Variants in ACTL6A observed in about 807,000 individuals in gnomAD.
The protein encoded by ACTL6A is actin like 6A.
ACTL6A carries 5 observed loss-of-function variants against 59.2 expected under a neutral mutation model. The observed-to-expected ratio is 0.08, with a 90% CI of 0.04 to 0.18. The LOEUF (loss-of-function observed/expected upper bound fraction) is 0.18. Among genes scored for constraint, ACTL6A ranks in the 10% least tolerant of loss-of-function variants. The pLI is 1.00. For synonymous variants in ACTL6A, 154 were observed against 171.8 expected (o/e 0.90, Z 0.81); for missense variants, 285 against 526.9 (o/e 0.54, Z 4.49).
Position 179,570,496 on chromosome 3 carries a change from A to G in ACTL6A, c.277+255A>G, listed in dbSNP as rs1310523430. The G allele has an allele frequency of 1.2e-5, 4 of 324,484 alleles. No individual in the cohort carries two copies. Among genetic ancestry groups the G allele is most frequent in the Non-Finnish European group, 1.7e-5 (3 of 176,368 alleles). 20.1% of individuals were successfully genotyped at this position (324,484 alleles called of 1,614,324 possible). On this transcript the variant is annotated intron_variant, in intron 3 of 13. Transcript: ENST00000429709. The surrounding 1 kb of genome is among the most constrained non-coding windows in gnomAD (Gnocchi z 4.3). ...TGGTACACTGTGGGATAAGTGGTAC[A>G]ATATAGGTATGTGCAATGAGCAATG...
intron 8 of ACTL6A, among the ~76,000 whole-genome samples, chr3:179,579,455 T>TACACACACACACACAC (rs10650822): frequency 0.011 from 1,607 of 145,100 alleles, 33 homozygotes; most frequent in East Asian, 0.037. Context: ...TTATATCATA[T>TACACACACACACACAC]ACACACACAC....
At chr3:179,568,174 CAA>C (rs770514808) in intron 1 of ACTL6A, among the ~76,000 whole-genome samples, 14 of 56,390 alleles carry the variant, frequency 2.5e-4, no homozygotes, top group Admixed American at 6.0e-4. Flanking sequence ...GACTCCGTGT[CAA>C]AAAAAAAAAA....
intron 8 of ACTL6A, 101 bp downstream of exon 8, chr3:179,577,014 C>A: frequency 1.3e-6 from 1 of 759,680 alleles, no homozygotes; most frequent in South Asian, 2.4e-5. Context: ...AAAATATGGG[C>A]ACTTTATATT....
intron 5 of ACTL6A, 40 bp downstream of exon 5, chr3:179,574,507 T>A (rs1055304187): frequency 1.5e-6 from 2 of 1,308,074 alleles, no homozygotes; most frequent in African/African-American, 1.4e-5. Flanking sequence ...TTGAAGTATG[T>A]ACGATACTAA....
In ACTL6A at chr3:179,586,477, A is replaced by T. The variant is rs533328482; in HGVS notation, c.1123-69A>T. ...ACCCTGTCTCTATTTGAAAAAAAAA[A>T]AAAAAAAAAGAATTTTCTAAGTTGA... On this transcript the variant is annotated intron_variant, in intron 12 of 13. Transcript: ENST00000429709. 9 of 1,197,814 alleles carry T rather than the reference A, an allele frequency of 7.5e-6. No individual in the cohort carries two copies. The Admixed American group carries it at 2.6e-4, about 35-fold the overall frequency. The allele number at this position is 1,197,814 out of a possible 1,614,324, so 74.2% of individuals were successfully genotyped here. A position where few individuals can be genotyped will look rare whatever the true frequency, so the allele number is the denominator to read the frequency against.
chr3:179,583,076 G>T (rs1375461964), intron 11 of ACTL6A, among the ~76,000 whole-genome samples: 1 of 152,136 alleles, frequency 6.6e-6, no homozygotes, highest in East Asian at 1.9e-4. Flanking sequence ...AATATAACGA[G>T]ACCCCGTCTC....
intron 9 of ACTL6A, 52 bp downstream of exon 9, chr3:179,580,753 TAAA>T: frequency 7.0e-7 from 1 of 1,436,470 alleles, no homozygotes. Context: ...AGGATTTGTT[TAAA>T]AAATACTTAA....
At position 179,588,303 on chromosome 3, in the gene ACTL6A, A is replaced by T. The variant is rs1243140243; in HGVS notation, c.*293A>T. The T allele has an allele frequency of 7.2e-6, 2 of 276,454 alleles. No individual in the cohort carries two copies. Among genetic ancestry groups the T allele is most frequent in the South Asian group, 1.8e-4 (2 of 11,340 alleles). The allele number at this position is 276,454 out of a possible 1,614,324, so 17.1% of individuals were successfully genotyped here. On this transcript the variant is annotated 3_prime_UTR_variant, in exon 14 of 14. Transcript: ENST00000429709. ...AACTCTGTTTAGTGTATTAATTACC[A>T]GTGGATTGGTAGAACTGCTTTTTAT...
intron 1 of ACTL6A, among the ~76,000 whole-genome samples, chr3:179,566,504 G>T (rs1388362087): frequency 6.6e-6 from 1 of 152,178 alleles, no homozygotes; most frequent in Non-Finnish European, 1.5e-5. Context: ...ACCACAGTCT[G>T]TGTGGCTTAA....
intron 13 of ACTL6A, among the ~76,000 whole-genome samples, chr3:179,587,533 G>A (rs191012359): frequency 4.1e-4 from 63 of 152,128 alleles, no homozygotes; most frequent in African/African-American, 1.4e-3. Context: ...TTTGGGGGAC[G>A]GGACTCTTAA....
chr3:179,565,663 C>T lies in ACTL6A; in HGVS notation c.25+2546C>T, dbSNP rs143166474. On this transcript the variant is annotated intron_variant, in intron 1 of 13. Transcript: ENST00000429709. ...GTTAGCTGAGTGAGAGTATGTGGTG[C>T]GTTCAGGAGATGACATATTACCCAG... Among the ~76,000 whole-genome samples the T allele has an allele frequency of 1.3e-3, 191 of 151,716 alleles. 1 individual carries two copies. The highest frequency in any genetic ancestry group is 3.8e-3 in the African/African-American group (155 of 41,224).
At chr3:179,563,177 C>T in intron 1 of ACTL6A, 60 bp downstream of exon 1, 1 of 1,561,314 alleles carries the variant, frequency 6.4e-7, no homozygotes, top group Admixed American at 1.9e-5. Flanking sequence ...TTTGTAACCG[C>T]CGCTCCCAGC....
chr3:179,585,576 A>G (rs1231121997), intron 12 of ACTL6A, among the ~76,000 whole-genome samples: 4 of 152,164 alleles, frequency 2.6e-5, no homozygotes. Context: ...TTTCTTACCT[A>G]CAAAAACCCA....
chr3:179,578,788 C>G (rs970238687), intron 8 of ACTL6A, among the ~76,000 whole-genome samples: 1 of 152,168 alleles, frequency 6.6e-6, no homozygotes, highest in Non-Finnish European at 1.5e-5. Flanking sequence ...TTTTTCAAGA[C>G]AGAGTCTTGC....
intron 12 of ACTL6A, among the ~76,000 whole-genome samples, chr3:179,585,235 T>G (rs934680455): frequency 2.0e-5 from 3 of 152,190 alleles, no homozygotes; most frequent in African/African-American, 7.2e-5. Flanking sequence ...CCCAAGTAGC[T>G]GGGATTACAG....
chr3:179,579,774 G>A (rs1400163774), intron 8 of ACTL6A, among the ~76,000 whole-genome samples: 2 of 152,116 alleles, frequency 1.3e-5, no homozygotes, highest in Admixed American at 1.3e-4. Flanking sequence ...GACGACAAGA[G>A]CAAGACTCTG....
intron 1 of ACTL6A, among the ~76,000 whole-genome samples, chr3:179,563,894 G>T (rs963717105): frequency 6.6e-6 from 1 of 152,154 alleles, no homozygotes; most frequent in Non-Finnish European, 1.5e-5. Context: ...ACAGACCTGG[G>T]TTGAAATATC....
At chr3:179,585,356 C>A (rs1003895906) in intron 12 of ACTL6A, among the ~76,000 whole-genome samples, 1 of 152,178 alleles carries the variant, frequency 6.6e-6, no homozygotes, top group Admixed American at 6.5e-5. Flanking sequence ...CCCGCCTCGG[C>A]CTCCCAAAGT....
intron 1 of ACTL6A, among the ~76,000 whole-genome samples, chr3:179,564,245 G>C (rs549291844): frequency 2.6e-5 from 4 of 152,156 alleles, no homozygotes; most frequent in Non-Finnish European, 4.4e-5. Context: ...CCAGACTATT[G>C]CTGTTGTTAC....
Sources: gnomAD v4.1 joint callset for allele counts (sites outside exome capture counted in the v4.1 genomes callset) on GRCh38, gnomAD v4.1.1 for gene constraint, Gnocchi (gnomAD v3.1) non-coding constraint, MANE v1.5 for transcripts, NCBI Gene and HGNC (gene_info 2026-07-23, HGNC 2026-07-21) for gene names.